Variants in TTLL11 observed in about 807,000 individuals in gnomAD.
TTLL11 encodes the protein tubulin polyglutamylase TTLL11.
Under a neutral mutation model 51.7 loss-of-function variants are expected in TTLL11, and 42 were observed. The ratio of observed to expected loss-of-function variants is 0.81; its 90% CI spans 0.64 to 1.05. The LOEUF is 1.05. Among genes scored for constraint, TTLL11 ranks in the 50% least tolerant of loss-of-function variants. The pLI, the probability that TTLL11 is intolerant of heterozygous loss-of-function variation, is 0.00. For missense variants in TTLL11, 799 were observed against 940.4 expected, an observed-to-expected ratio of 0.85 and a Z score of 1.97; for synonymous variants, 381 against 383.5, an observed-to-expected ratio of 0.99 and a Z score of 0.08.
chr9:121,864,092 A>G (rs751453609), intron 7 of TTLL11, among the ~76,000 whole-genome samples: 1 of 152,176 alleles, frequency 6.6e-6, no homozygotes, highest in Non-Finnish European at 1.5e-5. Flanking sequence ...CAATAAACTC[A>G]AACAGGAAAT....
At chr9:121,912,352 C>G (rs914292079) in intron 6 of TTLL11, among the ~76,000 whole-genome samples, 12 of 152,178 alleles carry the variant, frequency 7.9e-5, no homozygotes, top group African/African-American at 2.9e-4. Flanking sequence ...TGCACAAGCA[C>G]ATCAGGAGAT....
intron 2 of TTLL11, among the ~76,000 whole-genome samples, chr9:122,032,245 G>A (rs141298096): frequency 8.4e-4 from 127 of 152,094 alleles, no homozygotes; most frequent in Middle Eastern, 3.4e-3. Flanking sequence ...GATTCCTTCC[G>A]TCTTGTACCC....
At chr9:121,952,042 T>C (rs1245424226) in intron 6 of TTLL11, among the ~76,000 whole-genome samples, 1 of 152,122 alleles carries the variant, frequency 6.6e-6, no homozygotes, top group East Asian at 1.9e-4. Flanking sequence ...CTGCAACCTG[T>C]TTTATCAGCA....
At chr9:121,844,560 T>C (rs1306943911) in intron 8 of TTLL11, among the ~76,000 whole-genome samples, 2 of 152,112 alleles carry the variant, frequency 1.3e-5, no homozygotes, top group African/African-American at 2.4e-5. Flanking sequence ...GACACAGATG[T>C]TGGAATTATC....
chr9:121,842,313 A>G (rs1272624815), intron 8 of TTLL11, among the ~76,000 whole-genome samples: 1 of 152,044 alleles, frequency 6.6e-6, no homozygotes, highest in Non-Finnish European at 1.5e-5. Context: ...ACTGGAGTGC[A>G]GTGATGTAAT....
At chr9:121,882,708 T>C (rs1042378907) in intron 6 of TTLL11, among the ~76,000 whole-genome samples, 5 of 152,154 alleles carry the variant, frequency 3.3e-5, no homozygotes, top group Admixed American at 2.6e-4. Flanking sequence ...GGGATGCCTC[T>C]GTCCTGCCCA....
intron 8 of TTLL11, among the ~76,000 whole-genome samples, chr9:121,841,862 A>G (rs59687668): frequency 0.051 from 7,789 of 152,046 alleles, 441 homozygotes; most frequent in African/African-American, 0.14. Context: ...AAATGTCTCA[A>G]ATCGTGGCCA....
intron 6 of TTLL11, among the ~76,000 whole-genome samples, chr9:121,923,168 G>A (rs1240691815): frequency 6.6e-6 from 1 of 152,134 alleles, no homozygotes; most frequent in Non-Finnish European, 1.5e-5. Context: ...ATTTAAAGAA[G>A]AACAAAATTG....
At chr9:122,010,956 C>T (rs1399193325) in intron 3 of TTLL11, among the ~76,000 whole-genome samples, 1 of 152,174 alleles carries the variant, frequency 6.6e-6, no homozygotes, top group Non-Finnish European at 1.5e-5. Flanking sequence ...CTCTCTAAGC[C>T]TTTGATATGG....
chr9:122,063,630 C>T (rs1845494295), intron 1 of TTLL11, among the ~76,000 whole-genome samples: 1 of 152,188 alleles, frequency 6.6e-6, no homozygotes, highest in Non-Finnish European at 1.5e-5. Context: ...TTCTTAAAGG[C>T]AATTTTAACT....
intron 4 of TTLL11, among the ~76,000 whole-genome samples, chr9:121,982,717 C>A (rs1328330002): frequency 4.2e-3 from 412 of 97,128 alleles, no homozygotes; most frequent in African/African-American, 7.9e-3. Context: ...AACTCCAACT[C>A]AAAAAAAAAA....
intron 6 of TTLL11, among the ~76,000 whole-genome samples, chr9:121,964,733 C>T (rs962862772): frequency 6.6e-6 from 1 of 152,136 alleles, no homozygotes; most frequent in Non-Finnish European, 1.5e-5. Flanking sequence ...CCCAACAGAG[C>T]CTTGTGCCTT....
chr9:122,050,631 A>G (rs1845132962), intron 1 of TTLL11, among the ~76,000 whole-genome samples: 1 of 152,096 alleles, frequency 6.6e-6, no homozygotes, highest in African/African-American at 2.4e-5. Context: ...CCTCTCCCAC[A>G]TTGTCACAGG....
At chr9:121,866,832 C>T (rs189531708) in intron 7 of TTLL11, among the ~76,000 whole-genome samples, 3 of 152,270 alleles carry the variant, frequency 2.0e-5, no homozygotes, top group Non-Finnish European at 4.4e-5. Flanking sequence ...CTGGTCCCCA[C>T]TTGAAGAAGT....
chr9:121,980,986 G>C lies in TTLL11; in HGVS notation c.1270-6007C>G, dbSNP rs188536334. Among the ~76,000 whole-genome samples the C allele has an allele frequency of 3.5e-3, 528 of 152,202 alleles. 10 individuals carry two copies. Among genetic ancestry groups the C allele is most frequent in the Non-Finnish European group, 2.8e-3 (189 of 68,000 alleles). ...CTTTTAAGATTTTCTGATCATCACT[G>C]GTTTTCCAATAGTGTGATTATAATC... is the stretch of plus-strand genomic sequence containing the variant. On this transcript the variant is annotated intron_variant, in intron 4 of 8. Transcript: ENST00000321582.
chr9:121,929,513 T>C (rs1318698093), intron 6 of TTLL11, among the ~76,000 whole-genome samples: 1 of 152,020 alleles, frequency 6.6e-6, no homozygotes, highest in Admixed American at 6.5e-5. Flanking sequence ...AGTCAAGGAA[T>C]ATGTATGAAA....
At chr9:122,046,857 C>T (rs1845020441) in intron 1 of TTLL11, among the ~76,000 whole-genome samples, 1 of 152,146 alleles carries the variant, frequency 6.6e-6, no homozygotes, top group African/African-American at 2.4e-5. Flanking sequence ...TTAGTACATG[C>T]CACAGAACAA....
intron 2 of TTLL11, among the ~76,000 whole-genome samples, chr9:122,035,401 T>C (rs1227374726): frequency 6.6e-6 from 1 of 152,240 alleles, no homozygotes; most frequent in East Asian, 1.9e-4. Context: ...TGGGCTTTTC[T>C]GTCTGCTACG....
intron 6 of TTLL11, among the ~76,000 whole-genome samples, chr9:121,889,297 C>T (rs1353783445): frequency 6.6e-6 from 1 of 152,078 alleles, no homozygotes; most frequent in Non-Finnish European, 1.5e-5. Flanking sequence ...ACGAGGAGCT[C>T]TGGAGTTGGG....
Sources: gnomAD v4.1 joint callset for allele counts (sites outside exome capture counted in the v4.1 genomes callset) on GRCh38, gnomAD v4.1.1 for gene constraint, MANE v1.5 for transcripts, NCBI Gene and HGNC (gene_info 2026-07-23, HGNC 2026-07-21) for gene names.